Variants in JAZF1 observed in about 807,000 individuals in gnomAD.
JAZF1 encodes juxtaposed with another zinc finger protein 1.
A neutral mutation model predicts 26.4 loss-of-function variants in JAZF1; 8 were observed. The observed-to-expected ratio is 0.30, with a 90% confidence interval of 0.18 to 0.55. JAZF1 has a LOEUF of 0.55. JAZF1 is among the 20% of genes least tolerant of loss of function. The pLI is 0.94. For missense variants in JAZF1, 199 were observed against 322.0 expected (o/e 0.62, Z 2.92); for synonymous variants, 126 against 122.3 (o/e 1.03, Z -0.20).
At chr7:28,035,706 T>C (rs1251911308) in intron 1 of JAZF1, among the ~76,000 whole-genome samples, 2 of 152,104 alleles carry the variant, frequency 1.3e-5, no homozygotes, top group African/African-American at 2.4e-5. Flanking sequence ...ATGTACTCAT[T>C]AGTGAGTACA....
rs530013831 is a variant in JAZF1 at position 28,115,465 on chromosome 7, C to T, written c.115+64998G>A. ...CAGATGTGGCCAGTGACTACCATAA[C>T]GGACAGCACAACTGTAGATAAACCA... On this transcript the variant is annotated intron_variant, in intron 1 of 4. Transcript: ENST00000283928. Among the ~76,000 whole-genome samples, 5 of 152,120 alleles carry T rather than the reference C, an allele frequency of 3.3e-5. No homozygotes were observed. In the East Asian group the frequency reaches 5.8e-4, roughly 18 times the overall value.
chr7:27,856,316 G>T (rs1783251110), intron 3 of JAZF1, among the ~76,000 whole-genome samples: 1 of 152,202 alleles, frequency 6.6e-6, no homozygotes, highest in South Asian at 2.1e-4. Context: ...TGTCTTGCTG[G>T]CTTCAAGAGT....
At chr7:27,873,912 A>C (rs1263833490) in intron 3 of JAZF1, among the ~76,000 whole-genome samples, 1 of 152,234 alleles carries the variant, frequency 6.6e-6, no homozygotes, top group East Asian at 1.9e-4. Flanking sequence ...TGCAATTATT[A>C]TATGGACTAA....
At chr7:28,112,531 T>C (rs1305297269) in intron 1 of JAZF1, among the ~76,000 whole-genome samples, 2 of 152,170 alleles carry the variant, frequency 1.3e-5, no homozygotes, top group East Asian at 3.8e-4. Flanking sequence ...TTTAAATTTT[T>C]AAATCATGTG....
intron 1 of JAZF1, among the ~76,000 whole-genome samples, chr7:28,107,695 T>C (rs1784576328): frequency 6.6e-6 from 1 of 152,150 alleles, no homozygotes; most frequent in Non-Finnish European, 1.5e-5. Flanking sequence ...GTTACAACAT[T>C]ATCAGAACAA....
intron 2 of JAZF1, among the ~76,000 whole-genome samples, chr7:27,935,988 A>G (rs1784758528): frequency 6.6e-6 from 1 of 152,212 alleles, no homozygotes; most frequent in Non-Finnish European, 1.5e-5. Flanking sequence ...GCTCACTCCC[A>G]GTACCTCGTG....
intron 3 of JAZF1, among the ~76,000 whole-genome samples, chr7:27,883,006 A>G (rs1161200059): frequency 6.6e-6 from 1 of 152,128 alleles, no homozygotes; most frequent in African/African-American, 2.4e-5. Context: ...CAGGCTTACA[A>G]TATGTTGCTC....
At chr7:28,070,483 T>C (rs755561429) in intron 1 of JAZF1, among the ~76,000 whole-genome samples, 5 of 152,252 alleles carry the variant, frequency 3.3e-5, no homozygotes, top group Non-Finnish European at 7.3e-5. Context: ...TTTAAAACTA[T>C]TTGGACCCTC....
At chr7:28,043,480 C>A (rs1217270317) in intron 1 of JAZF1, among the ~76,000 whole-genome samples, 1 of 152,104 alleles carries the variant, frequency 6.6e-6, no homozygotes, top group Non-Finnish European at 1.5e-5. Context: ...GCTCTCCTGG[C>A]CTAGACAAGG....
At chr7:28,176,767 A>G (rs982523461) in intron 1 of JAZF1, among the ~76,000 whole-genome samples, 1 of 152,216 alleles carries the variant, frequency 6.6e-6, no homozygotes, top group African/African-American at 2.4e-5. Flanking sequence ...AAATAATCAA[A>G]TAAGAATGAT....
intron 1 of JAZF1, among the ~76,000 whole-genome samples, chr7:28,127,329 G>A (rs1475547568): frequency 6.6e-6 from 1 of 152,186 alleles, no homozygotes; most frequent in African/African-American, 2.4e-5. Context: ...CCATGTCAGG[G>A]TGGGGATACA....
intron 1 of JAZF1, among the ~76,000 whole-genome samples, chr7:27,998,071 A>AAGGAAGGAAGGCAGGCAGGCAGGC (rs10691690): frequency 1.8e-3 from 196 of 111,544 alleles, no homozygotes; most frequent in Middle Eastern, 8.3e-3. Context: ...GGAAGGAAGG[A>AAGGAAGGAAGGCAGGCAGGCAGGC]AGGCAGGCAG....
chr7:28,026,841 T>C (rs73683940), intron 1 of JAZF1, among the ~76,000 whole-genome samples: 2,507 of 152,262 alleles, frequency 0.016, 61 homozygotes, highest in African/African-American at 0.055. Flanking sequence ...GGTCAGGAGA[T>C]GTCCGCAGAA....
chr7:28,022,879 C>G (rs1783030527), intron 1 of JAZF1, among the ~76,000 whole-genome samples: 1 of 152,166 alleles, frequency 6.6e-6, no homozygotes, highest in African/African-American at 2.4e-5. Flanking sequence ...GTCTCAGCCT[C>G]CCGAGTAGCT....
At chr7:28,004,401 T>TAA (rs72501870) in intron 1 of JAZF1, among the ~76,000 whole-genome samples, 1 of 143,232 alleles carries the variant, frequency 7.0e-6, no homozygotes, top group Non-Finnish European at 1.5e-5. Flanking sequence ...CTGGGTAACT[T>TAA]AAAAAAAAAA....
intron 2 of JAZF1, among the ~76,000 whole-genome samples, chr7:27,924,366 GTGC>G: frequency 6.6e-6 from 1 of 152,318 alleles, no homozygotes; most frequent in East Asian, 1.9e-4. Flanking sequence ...GTGAGCCAGT[GTGC>G]CCAGCTCACA....
chr7:27,954,384 C>A (rs1333316594), intron 2 of JAZF1, among the ~76,000 whole-genome samples: 1 of 152,266 alleles, frequency 6.6e-6, no homozygotes, highest in East Asian at 1.9e-4. Context: ...CTCTGTGGAA[C>A]AGAGTATGGT....
intron 2 of JAZF1, among the ~76,000 whole-genome samples, chr7:27,976,344 C>CAAAAAAAAA (rs55992845): frequency 1.2e-5 from 1 of 80,460 alleles, no homozygotes; most frequent in African/African-American, 5.4e-5. Flanking sequence ...GACTCCGTCT[C>CAAAAAAAAA]AAAAAAAAAA....
At chr7:27,847,304 ATTTATT>A (rs1783050164) in intron 3 of JAZF1, among the ~76,000 whole-genome samples, 1 of 151,440 alleles carries the variant, frequency 6.6e-6, no homozygotes, top group South Asian at 2.1e-4. Flanking sequence ...AGTCTCGTTT[ATTTATT>A]TTTGTTTTTG....
Sources: gnomAD v4.1 joint callset for allele counts (sites outside exome capture counted in the v4.1 genomes callset) on GRCh38, gnomAD v4.1.1 for gene constraint, MANE v1.5 for transcripts, NCBI Gene and HGNC (gene_info 2026-07-23, HGNC 2026-07-21) for gene names.